The following ZNF33B variants were observed in gnomAD, a reference collection of about 807,000 sequenced individuals.
The protein encoded by ZNF33B is zinc finger protein 11b (KOX 2).
ZNF33B carries 29 observed loss-of-function variants against 45.8 expected under a neutral mutation model. The ratio of observed to expected loss-of-function variants is 0.63; its 90% CI spans 0.47 to 0.86. The LOEUF is 0.86. ZNF33B is among the 40% of genes least tolerant of loss of function. The probability of loss-of-function intolerance (pLI) is 0.00; values close to 1 mark genes in which losing one functional copy is unlikely to be tolerated. For missense variants in ZNF33B, 831 were observed against 909.9 expected, an observed-to-expected ratio of 0.91 and a Z score of 1.12; for synonymous variants, 305 against 307.8, an observed-to-expected ratio of 0.99 and a Z score of 0.10.
chr10:42,606,795 T>TA (rs34274785), intron 4 of ZNF33B, among the ~76,000 whole-genome samples: 1,651 of 140,500 alleles, frequency 0.012, 37 homozygotes, highest in East Asian at 0.085. Flanking sequence ...GAACTTAAAG[T>TA]AAAAAAAAAA....
At position 42,592,081 on chromosome 10, in the gene ZNF33B, AG is replaced by A. The variant is rs1164689621; in HGVS notation, c.*531del. 2 of 154,064 alleles carry A rather than the reference AG, an allele frequency of 1.3e-5. No individual in the cohort carries two copies. The highest frequency in any genetic ancestry group is 2.9e-5 in the Non-Finnish European group (2 of 69,556). 9.5% of individuals were successfully genotyped at this position (154,064 alleles called of 1,614,324 possible). On this transcript the variant is annotated 3_prime_UTR_variant, in exon 5 of 5. Transcript: ENST00000359467. ...ATTATCCTTAGAGGAAGCTTGGTGA[AG>A]GGTACACGGGAATTCTCTGTACTCA... is the stretch of plus-strand genomic sequence containing the variant.
At chr10:42,629,956 C>T (rs1477873074) in intron 4 of ZNF33B, among the ~76,000 whole-genome samples, 4 of 152,250 alleles carry the variant, frequency 2.6e-5, no homozygotes, top group African/African-American at 9.6e-5. Flanking sequence ...CTTTACCCTC[C>T]CCACTTTTAA....
chr10:42,613,168 G>A (rs181199888), intron 4 of ZNF33B, among the ~76,000 whole-genome samples: 30 of 152,284 alleles, frequency 2.0e-4, no homozygotes, highest in Non-Finnish European at 3.8e-4. Context: ...TATTTTAGTT[G>A]ATAAAATTAT....
intron 1 of ZNF33B, chr10:42,582,547 A>C (rs938568381): frequency 6.6e-6 from 1 of 152,640 alleles, no homozygotes; most frequent in African/African-American, 2.4e-5. Context: ...GTGGACACAC[A>C]CCCATCGGCC....
chr10:42,578,235 G>A (rs1460156636), intron 1 of ZNF33B, among the ~76,000 whole-genome samples: 2 of 152,204 alleles, frequency 1.3e-5, no homozygotes, highest in Non-Finnish European at 2.9e-5. Flanking sequence ...AAGACCCAGC[G>A]AGGCTTTGGT....
chr10:42,593,795 A>T lies in ZNF33B; in HGVS notation c.1155T>A (p.Phe385Leu). ...HQRSHTGEKP[F>L]ECNECGKAFS... ...AGGCTTTCCCACATTCATTGCATTC[A>T]AAAGGTTTCTCCCCTGTGTGTGATC... The change falls in exon 5 of 5, where the codon TTT (phenylalanine) becomes TTA (leucine). Residue 385 changes from phenylalanine (F) to leucine (L), a missense_variant. Coordinates refer to ENST00000359467, the MANE Select transcript of ZNF33B (RefSeq NM_006955.3). 1.2e-6 allele frequency: 2 copies of T among 1,613,986 alleles called. No homozygotes were observed. Among genetic ancestry groups the T allele is most frequent in the Non-Finnish European group, 1.7e-6 (2 of 1,179,952 alleles).
chr10:42,637,030 G>A (rs574379192), intron 1 of ZNF33B, 58 bp from the exon 2 acceptor site: 58 of 1,564,890 alleles, frequency 3.7e-5, no homozygotes, highest in Non-Finnish European at 4.2e-5. Flanking sequence ...GGCAACTCCC[G>A]GATTCTTCTG....
intron 2 of ZNF33B, chr10:42,633,000 CAATGG>C (rs1839128106): frequency 5.9e-6 from 1 of 168,216 alleles, no homozygotes; most frequent in Non-Finnish European, 1.3e-5. Context: ...AATTTTACAC[CAATGG>C]TCTCTAAAGT....
chr10:42,610,950 G>A lies in ZNF33B; in HGVS notation c.251-16251C>T, dbSNP rs147654266. Among the ~76,000 whole-genome samples the A allele has an allele frequency of 1.4e-4, 21 of 152,304 alleles. No individual in the cohort carries two copies. The East Asian group carries it at 4.1e-3, about 29-fold the overall frequency. ...AAGATGGCATGATAGTGGCATAGAGGTAAACATGTGAAATAAAATTGAGAA... is the reference window on the plus strand; with the variant it reads ...AAGATGGCATGATAGTGGCATAGAGATAAACATGTGAAATAAAATTGAGAA... On this transcript the variant is annotated intron_variant, in intron 4 of 4. Coordinates refer to ENST00000359467, the MANE Select transcript of ZNF33B (RefSeq NM_006955.3).
At chr10:42,579,243 T>C (rs1171360408) in intron 1 of ZNF33B, among the ~76,000 whole-genome samples, 1 of 152,206 alleles carries the variant, frequency 6.6e-6, no homozygotes, top group Non-Finnish European at 1.5e-5. Flanking sequence ...GGGGTACATG[T>C]GCAGTTTTGT....
intron 1 of ZNF33B, among the ~76,000 whole-genome samples, chr10:42,638,203 G>A (rs1277113267): frequency 6.6e-6 from 1 of 152,260 alleles, no homozygotes; most frequent in Non-Finnish European, 1.5e-5. Context: ...CTCCCGCAAG[G>A]CTCAGCGCTC....
intron 4 of ZNF33B, among the ~76,000 whole-genome samples, chr10:42,614,691 C>T (rs1208520854): frequency 1.3e-5 from 2 of 152,088 alleles, no homozygotes; most frequent in African/African-American, 4.8e-5. Context: ...AGCAGTGGCT[C>T]ACACCTGTAA....
At chr10:42,616,488 C>T (rs572905666) in intron 4 of ZNF33B, among the ~76,000 whole-genome samples, 7 of 152,128 alleles carry the variant, frequency 4.6e-5, no homozygotes, top group Admixed American at 4.6e-4. Context: ...TTTACTTTTG[C>T]TTGTACAGAT....
intron 1 of ZNF33B, among the ~76,000 whole-genome samples, chr10:42,578,289 G>T (rs1836777203): frequency 6.6e-6 from 1 of 152,234 alleles, no homozygotes; most frequent in Non-Finnish European, 1.5e-5. Flanking sequence ...TCCACGGTCT[G>T]GAGGGTGGAT....
intron 4 of ZNF33B, among the ~76,000 whole-genome samples, chr10:42,630,713 A>G (rs1202225137): frequency 6.6e-6 from 1 of 152,180 alleles, no homozygotes; most frequent in Non-Finnish European, 1.5e-5. Flanking sequence ...TGAGCTCTCT[A>G]TGCCCTATGC....
intron 4 of ZNF33B, among the ~76,000 whole-genome samples, chr10:42,621,857 A>G (rs1838605682): frequency 6.6e-6 from 1 of 152,174 alleles, no homozygotes; most frequent in African/African-American, 2.4e-5. Flanking sequence ...GCCAAACAAG[A>G]AAAAGAAAGA....
At chr10:42,605,262 T>TC (rs1455793952) in intron 4 of ZNF33B, 3 of 98,000 alleles carry the variant, frequency 3.1e-5, no homozygotes, top group African/African-American at 1.1e-4. Flanking sequence ...CTGCATTAAA[T>TC]TTAAAAAAAA....
intron 4 of ZNF33B, among the ~76,000 whole-genome samples, chr10:42,626,481 A>G (rs184837091): frequency 3.7e-4 from 57 of 152,190 alleles, no homozygotes; most frequent in African/African-American, 1.3e-3. Context: ...CAAGGTCAGG[A>G]GTTTGAAACC....
chr10:42,609,753 G>A (rs1237356275), intron 4 of ZNF33B, among the ~76,000 whole-genome samples: 1 of 152,068 alleles, frequency 6.6e-6, no homozygotes, highest in Non-Finnish European at 1.5e-5. Flanking sequence ...GGCAAGTTTG[G>A]TTTATCATTT....
Sources: gnomAD v4.1 joint callset for allele counts (sites outside exome capture counted in the v4.1 genomes callset) on GRCh38, gnomAD v4.1.1 for gene constraint, MANE v1.5 for transcripts, NCBI Gene and HGNC (gene_info 2026-07-23, HGNC 2026-07-21) for gene names.